SH3D19: variants seen among roughly 807,000 people sequenced by gnomAD.
SH3D19 encodes the protein SH3 domain-containing protein 19.
A neutral mutation model predicts 112.1 loss-of-function variants in SH3D19; 58 were observed. The ratio of observed to expected loss-of-function variants is 0.52; its 90% CI spans 0.42 to 0.64. The LOEUF is 0.64. Among genes scored for constraint, SH3D19 ranks in the 30% least tolerant of loss-of-function variants. The probability of loss-of-function intolerance (pLI) is 0.00; values close to 1 mark genes in which losing one functional copy is unlikely to be tolerated. For synonymous variants in SH3D19, 391 were observed against 448.5 expected (o/e 0.87, Z 1.62); for missense variants, 1,090 against 1,263.4 (o/e 0.86, Z 2.08).
chr4:151,248,242 G>A (rs1400574044), intron 1 of SH3D19, among the ~76,000 whole-genome samples: 1 of 152,116 alleles, frequency 6.6e-6, no homozygotes, highest in Non-Finnish European at 1.5e-5. Context: ...GGGATTACAG[G>A]TGTAAGTCAC....
intron 14 of SH3D19, 30 bp from the exon 15 acceptor site, chr4:151,135,162 A>G: frequency 6.5e-7 from 1 of 1,543,062 alleles, no homozygotes; most frequent in Non-Finnish European, 8.8e-7. Flanking sequence ...GGCAACAATT[A>G]TATTTTTTTC....
chr4:151,182,944 T>A (rs941210868), intron 3 of SH3D19, among the ~76,000 whole-genome samples: 1 of 152,160 alleles, frequency 6.6e-6, no homozygotes, highest in African/African-American at 2.4e-5. Flanking sequence ...GGCAGTATTT[T>A]CAGTTAGAGT....
chr4:151,152,862 G>A (rs1208979553), intron 9 of SH3D19, among the ~76,000 whole-genome samples: 1 of 151,356 alleles, frequency 6.6e-6, no homozygotes, highest in East Asian at 2.0e-4. Flanking sequence ...TTGAGACGTA[G>A]TCTTGTTCTG....
intron 1 of SH3D19, among the ~76,000 whole-genome samples, chr4:151,293,780 C>T (rs767812393): frequency 5.3e-5 from 8 of 152,306 alleles, no homozygotes; most frequent in African/African-American, 9.6e-5. Flanking sequence ...CTACAAAGTC[C>T]GGCCAATCTG....
intron 7 of SH3D19, among the ~76,000 whole-genome samples, chr4:151,168,152 T>C (rs979133989): frequency 7.2e-5 from 11 of 151,876 alleles, no homozygotes; most frequent in Non-Finnish European, 1.5e-4. Context: ...ATGTAACAGA[T>C]AAGCAATTCA....
intron 1 of SH3D19, among the ~76,000 whole-genome samples, chr4:151,294,694 CA>C (rs1249920794): frequency 1.2e-4 from 18 of 152,222 alleles, no homozygotes; most frequent in Non-Finnish European, 1.9e-4. Context: ...CCATTCCAGG[CA>C]TGGAGGACAC....
In SH3D19 at chr4:151,174,770, C is replaced by A; in HGVS notation, c.1434G>T (p.Lys478Asn). Reference protein sequence around the residue: ...ANPPVPVLQSKPLVDIDLISF... With the variant: ...ANPPVPVLQSNPLVDIDLISF... ...TGATGAGATCGATGTCCACCAAGGG[C>A]TTGCTCTGCAGAACTGGAACTGGGG... The change falls in exon 7 of 20, where the codon AAG becomes AAT. Residue 478 changes from lysine (K) to asparagine (N), a missense_variant. By Grantham distance (94) the Lys-to-Asn change is moderately conservative. Transcript: ENST00000604030. The A allele has an allele frequency of 1.3e-6, 2 of 1,542,326 alleles. No individual in the cohort carries two copies. Among genetic ancestry groups the A allele is most frequent in the African/African-American group, 2.8e-5 (2 of 72,436 alleles).
intron 1 of SH3D19, among the ~76,000 whole-genome samples, chr4:151,277,001 C>T (rs1479256164): frequency 6.6e-6 from 1 of 152,174 alleles, no homozygotes. Context: ...AGCTGCACTT[C>T]TGAAGTCTGG....
intron 17 of SH3D19, among the ~76,000 whole-genome samples, chr4:151,129,044 T>C (rs1750035947): frequency 6.6e-6 from 1 of 152,260 alleles, no homozygotes; most frequent in Admixed American, 6.5e-5. Flanking sequence ...AAAATTCTGA[T>C]AAAGTATGTA....
chr4:151,225,292 A>G (rs1473824511), intron 2 of SH3D19, among the ~76,000 whole-genome samples: 1 of 152,240 alleles, frequency 6.6e-6, no homozygotes, highest in African/African-American at 2.4e-5. Context: ...AGAAATTAAT[A>G]TTAGAAAAAT....
At chr4:151,316,984 T>C (rs1272270252) in intron 1 of SH3D19, among the ~76,000 whole-genome samples, 1 of 152,238 alleles carries the variant, frequency 6.6e-6, no homozygotes, top group African/African-American at 2.4e-5. Context: ...TCAAGTACTA[T>C]AAATTCCCCT....
At chr4:151,178,276 T>C (rs1579981502) in intron 4 of SH3D19, among the ~76,000 whole-genome samples, 1 of 152,208 alleles carries the variant, frequency 6.6e-6, no homozygotes, top group South Asian at 2.1e-4. Flanking sequence ...CAATCAAGTT[T>C]TGATTGGAAA....
chr4:151,324,401 T>C (rs1730843401), intron 1 of SH3D19, among the ~76,000 whole-genome samples: 2 of 152,168 alleles, frequency 1.3e-5, no homozygotes, highest in Admixed American at 1.3e-4. Flanking sequence ...CACTTCCCTA[T>C]CTCCCTTTTG....
intron 2 of SH3D19, among the ~76,000 whole-genome samples, chr4:151,197,063 C>T (rs1326807727): frequency 2.6e-5 from 4 of 152,168 alleles, no homozygotes; most frequent in African/African-American, 9.7e-5. Flanking sequence ...TAAACTAGTA[C>T]AGCCACTATG....
At chr4:151,312,100 T>C (rs1318728582) in intron 1 of SH3D19, among the ~76,000 whole-genome samples, 2 of 152,158 alleles carry the variant, frequency 1.3e-5, no homozygotes, top group East Asian at 3.8e-4. Context: ...AGCTTGATTG[T>C]GGTAATTATT....
At chr4:151,140,775 G>A (rs968860924) in intron 12 of SH3D19, 7 of 152,098 alleles carry the variant, frequency 4.6e-5, no homozygotes, top group Admixed American at 1.3e-4. Flanking sequence ...CCTTAGAGAC[G>A]TCCTGACACA....
rs1157045566 is a variant in SH3D19 at position 151,275,845 on chromosome 4, A to AT, written c.112+49395dup. ...CACTTCTATTATTATTATTATTATT[A>AT]TTATTTTTTTTTTTTTAGACGGAGT... is the stretch of plus-strand genomic sequence containing the variant. On this transcript the variant is annotated intron_variant, in intron 1 of 19. Transcript: ENST00000604030. Among the ~76,000 whole-genome samples, 10 of 97,418 alleles carry AT rather than the reference A, an allele frequency of 1.0e-4. No homozygotes were observed. In the South Asian group the frequency reaches 2.3e-3, roughly 22 times the overall value. 63.9% of individuals were successfully genotyped at this position (97,418 alleles called of 152,430 possible).
chr4:151,213,672 A>AT (rs1359720465), intron 2 of SH3D19, among the ~76,000 whole-genome samples: 34 of 148,172 alleles, frequency 2.3e-4, no homozygotes, highest in African/African-American at 7.2e-4. Flanking sequence ...ATATGAATTA[A>AT]TTAATTAATT....
At chr4:151,129,736 T>C (rs1323449488) in intron 17 of SH3D19, among the ~76,000 whole-genome samples, 3 of 152,186 alleles carry the variant, frequency 2.0e-5, no homozygotes, top group African/African-American at 7.2e-5. Flanking sequence ...CTTAACTTCG[T>C]GACACTGGGC....
Sources: allele counts gnomAD v4.1 joint callset (sites outside exome capture counted in the v4.1 genomes callset), GRCh38; gene constraint gnomAD v4.1.1; transcripts MANE v1.5; gene names NCBI Gene and HGNC (gene_info 2026-07-23, HGNC 2026-07-21).